The following DPP10 variants were observed in gnomAD, a reference collection of about 807,000 sequenced individuals.
The protein encoded by DPP10 is dipeptidyl peptidase like 10.
A neutral mutation model predicts 120.9 loss-of-function variants in DPP10; 33 were observed. The ratio of observed to expected loss-of-function variants is 0.27; its 90% CI spans 0.21 to 0.37. The LOEUF (loss-of-function observed/expected upper bound fraction) is 0.37. Among genes scored for constraint, DPP10 ranks in the 10% least tolerant of loss-of-function variants. The pLI is 1.00. For missense variants in DPP10, 816 were observed against 942.8 expected (o/e 0.87, Z 1.76); for synonymous variants, 337 against 326.1 (o/e 1.03, Z -0.36).
At chr2:114,476,705 A>G (rs1680403926) in intron 1 of DPP10, among the ~76,000 whole-genome samples, 1 of 152,182 alleles carries the variant, frequency 6.6e-6, no homozygotes, top group African/African-American at 2.4e-5. Context: ...GGGACTGGTG[A>G]TGGCTTGGTG....
intron 1 of DPP10, among the ~76,000 whole-genome samples, chr2:115,219,315 T>C (rs1340677327): frequency 6.6e-6 from 1 of 152,120 alleles, no homozygotes; most frequent in East Asian, 1.9e-4. Context: ...CTGCTATTCA[T>C]TACATAATAG....
At chr2:114,506,474 C>A (rs1042745422) in intron 1 of DPP10, among the ~76,000 whole-genome samples, 2 of 152,072 alleles carry the variant, frequency 1.3e-5, no homozygotes, top group African/African-American at 4.8e-5. Flanking sequence ...GCCATGAGTG[C>A]GGGTACAAAA....
At chr2:114,660,697 G>A (rs1048555253) in intron 1 of DPP10, among the ~76,000 whole-genome samples, 1 of 152,136 alleles carries the variant, frequency 6.6e-6, no homozygotes, top group African/African-American at 2.4e-5. Context: ...GTGATTCAAT[G>A]ACTTAATAGA....
At chr2:114,888,535 C>T (rs1480225908) in intron 1 of DPP10, among the ~76,000 whole-genome samples, 14 of 152,148 alleles carry the variant, frequency 9.2e-5, no homozygotes, top group Admixed American at 7.2e-4. Context: ...GATCAAAACA[C>T]TTCCAGTTAA....
chr2:115,241,732 TCTTA>T (rs1042258516), intron 1 of DPP10, among the ~76,000 whole-genome samples: 1 of 152,202 alleles, frequency 6.6e-6, no homozygotes, highest in Non-Finnish European at 1.5e-5. Flanking sequence ...CAGAAACACA[TCTTA>T]CTTTTAAATT....
At chr2:115,251,750 G>C (rs1034410644) in intron 1 of DPP10, among the ~76,000 whole-genome samples, 2 of 152,120 alleles carry the variant, frequency 1.3e-5, no homozygotes, top group Non-Finnish European at 2.9e-5. Context: ...TTCTGTTCTA[G>C]GCAGTGAGGA....
At chr2:115,553,984 A>ATC (rs1435125633) in intron 5 of DPP10, among the ~76,000 whole-genome samples, 1 of 132,764 alleles carries the variant, frequency 7.5e-6, no homozygotes, top group Admixed American at 8.5e-5. Context: ...TCCGACACCT[A>ATC]TCTCTCTCTC....
chr2:115,179,832 T>G (rs912094692), intron 1 of DPP10, among the ~76,000 whole-genome samples: 1 of 152,160 alleles, frequency 6.6e-6, no homozygotes, highest in Non-Finnish European at 1.5e-5. Flanking sequence ...TTGAAATGTT[T>G]TATTGATCCG....
At chr2:114,666,993 T>C (rs946061122) in intron 1 of DPP10, among the ~76,000 whole-genome samples, 1 of 152,236 alleles carries the variant, frequency 6.6e-6, no homozygotes, top group Non-Finnish European at 1.5e-5. Context: ...GATAGTAATT[T>C]GTTTAAGTAA....
At chr2:115,399,268 AAG>A (rs2067894733) in intron 3 of DPP10, among the ~76,000 whole-genome samples, 1 of 152,204 alleles carries the variant, frequency 6.6e-6, no homozygotes, top group Non-Finnish European at 1.5e-5. Context: ...ACACACACAA[AAG>A]AGAAGTATTG....
chr2:115,153,048 G>A (rs2051667464), intron 1 of DPP10, among the ~76,000 whole-genome samples: 1 of 152,178 alleles, frequency 6.6e-6, no homozygotes, highest in Non-Finnish European at 1.5e-5. Context: ...TTATAGAAGA[G>A]GAACCCTGAG....
intron 3 of DPP10, among the ~76,000 whole-genome samples, chr2:115,471,831 A>C (rs1435135565): frequency 6.6e-6 from 1 of 151,636 alleles, no homozygotes; most frequent in Non-Finnish European, 1.5e-5. Context: ...TGTTGCCCAG[A>C]CTGGTCTTGG....
At chr2:114,956,193 AC>A (rs1698187062) in intron 1 of DPP10, among the ~76,000 whole-genome samples, 1 of 152,082 alleles carries the variant, frequency 6.6e-6, no homozygotes, top group Non-Finnish European at 1.5e-5. Flanking sequence ...TGCATAAAAA[AC>A]CCTAAAGAAA....
chr2:115,607,199 G>T (rs767553344), intron 5 of DPP10, among the ~76,000 whole-genome samples: 1 of 152,140 alleles, frequency 6.6e-6, no homozygotes, highest in Non-Finnish European at 1.5e-5. Flanking sequence ...GTCAAAGAAG[G>T]TGTGCTTATC....
At chr2:114,608,513 T>G (rs1693014200) in intron 1 of DPP10, among the ~76,000 whole-genome samples, 1 of 152,166 alleles carries the variant, frequency 6.6e-6, no homozygotes, top group South Asian at 2.1e-4. Context: ...ATTATCTCAT[T>G]TGATCTTCAC....
At chr2:115,786,724 A>G (rs535855178) in intron 17 of DPP10, among the ~76,000 whole-genome samples, 2 of 152,202 alleles carry the variant, frequency 1.3e-5, no homozygotes, top group Non-Finnish European at 2.9e-5. Context: ...CTCTGAGTTG[A>G]GGAGACAGAA....
intron 1 of DPP10, among the ~76,000 whole-genome samples, chr2:115,069,551 C>T (rs183682761): frequency 1.6e-4 from 25 of 152,186 alleles, no homozygotes; most frequent in Non-Finnish European, 2.9e-4. Context: ...TGTTTCCTTA[C>T]AGAAATCACA....
intron 1 of DPP10, among the ~76,000 whole-genome samples, chr2:114,669,823 C>T (rs978626354): frequency 7.9e-5 from 12 of 152,114 alleles, no homozygotes; most frequent in East Asian, 1.9e-4. Context: ...TAAGTCACCT[C>T]CTTTCATCAA....
intron 1 of DPP10, among the ~76,000 whole-genome samples, chr2:114,529,311 A>G (rs1018370574): frequency 6.6e-6 from 1 of 152,114 alleles, no homozygotes; most frequent in Non-Finnish European, 1.5e-5. Flanking sequence ...TATTTTTCCC[A>G]TACTCATGTT....
Sources: allele counts gnomAD v4.1 joint callset (sites outside exome capture counted in the v4.1 genomes callset), GRCh38; gene constraint gnomAD v4.1.1; transcripts MANE v1.5; gene names NCBI Gene and HGNC (gene_info 2026-07-23, HGNC 2026-07-21).